L3MBTL4: variants seen among roughly 807,000 people sequenced by gnomAD.
L3MBTL4 encodes L3MBTL histone methyl-lysine binding protein 4, also known as lethal(3)malignant brain tumor-like protein 4.
Under a neutral mutation model 84.5 loss-of-function variants are expected in L3MBTL4, and 70 were observed. That is an observed-to-expected ratio of 0.83 (90% CI 0.68 to 1.01). The LOEUF (loss-of-function observed/expected upper bound fraction) is 1.01, where lower values mean the gene tolerates loss of function less well. Among genes scored for constraint, L3MBTL4 ranks in the 50% least tolerant of loss-of-function variants. The probability of loss-of-function intolerance (pLI) is 0.00; values close to 1 mark genes in which losing one functional copy is unlikely to be tolerated. For missense variants in L3MBTL4, 715 were observed against 754.8 expected (o/e 0.95, Z 0.62); for synonymous variants, 274 against 259.8 (o/e 1.05, Z -0.52).
At chr18:5,981,719 G>T (rs936059422) in intron 16 of L3MBTL4, among the ~76,000 whole-genome samples, 20 of 151,646 alleles carry the variant, frequency 1.3e-4, no homozygotes, top group African/African-American at 4.8e-4. Flanking sequence ...GAAGACACTT[G>T]AGTCCAGGAG....
intron 11 of L3MBTL4, among the ~76,000 whole-genome samples, chr18:6,214,680 T>G (rs116049745): frequency 4.1e-3 from 629 of 152,300 alleles, no homozygotes; most frequent in African/African-American, 0.015. Flanking sequence ...TGACTGTAAT[T>G]AGGTCTTTCA....
chr18:6,315,411 G>A (rs1213288056), intron 1 of L3MBTL4, among the ~76,000 whole-genome samples: 3 of 152,140 alleles, frequency 2.0e-5, no homozygotes, highest in Non-Finnish European at 4.4e-5. Flanking sequence ...ATTAATAGTA[G>A]CTAACATTAC....
chr18:6,279,632 T>C (rs978414034), intron 4 of L3MBTL4, among the ~76,000 whole-genome samples: 3 of 152,186 alleles, frequency 2.0e-5, no homozygotes, highest in Admixed American at 6.5e-5. Flanking sequence ...TCCCTTGCCA[T>C]GTAGTAGATG....
chr18:6,024,256 G>A (rs1030200020), intron 16 of L3MBTL4, among the ~76,000 whole-genome samples: 2 of 152,150 alleles, frequency 1.3e-5, no homozygotes, highest in Non-Finnish European at 2.9e-5. Flanking sequence ...GATGGTCATC[G>A]ATTGGAATTT....
At chr18:5,967,251 A>G (rs1437145141) in intron 17 of L3MBTL4, among the ~76,000 whole-genome samples, 2 of 152,226 alleles carry the variant, frequency 1.3e-5, no homozygotes, top group African/African-American at 4.8e-5. Flanking sequence ...GTGGGCAGGA[A>G]GTCAGCTCAT....
chr18:6,297,787 T>G (rs1192507317), intron 4 of L3MBTL4, among the ~76,000 whole-genome samples: 1 of 152,236 alleles, frequency 6.6e-6, no homozygotes, highest in Non-Finnish European at 1.5e-5. Context: ...AGTGAATTCA[T>G]TTTAGCCATC....
chr18:6,081,008 T>C, intron 15 of L3MBTL4, 57 bp from the exon 16 acceptor site: 1 of 1,298,564 alleles, frequency 7.7e-7, no homozygotes, highest in Non-Finnish European at 1.1e-6. Context: ...TAGGAAGAAA[T>C]CATGATAGCA....
Position 5,991,561 on chromosome 18 carries a change from C to A in L3MBTL4, c.1445-21999G>T, listed in dbSNP as rs560120768. Among the ~76,000 whole-genome samples the A allele has an allele frequency of 5.3e-5, 8 of 152,332 alleles. No homozygotes were observed. In the South Asian group the frequency reaches 1.7e-3, roughly 32 times the overall value. On this transcript the variant is annotated intron_variant, in intron 16 of 18. Coordinates refer to ENST00000317931, the MANE Select transcript of L3MBTL4 (RefSeq NM_001330559.2). ...ATAGTAACCTGTTTAATTATTCTCA[C>A]ACTTACACTGCTCTATAACTAGAGC...
rs775780309 is a variant in L3MBTL4 at position 6,093,366 on chromosome 18, G to C, written c.1362C>G (p.Asn454Lys). The C allele has an allele frequency of 6.2e-7, 1 of 1,609,250 alleles. No individual in the cohort carries two copies. The highest frequency in any genetic ancestry group is 1.7e-5 in the Admixed American group (1 of 59,074). ...LNFNGKHEKV[N>K]SQPRLVQQAK... is the part of the protein sequence containing the mutation. ...AAGAAGTTTCTTACCTGGGCTGACT[G>C]TTCACCTTTTCATGTTTTCCATTGA... The change falls in exon 15 of 19, where the codon AAC (asparagine) becomes AAG (lysine). Residue 454 changes from asparagine (N) to lysine (K), a missense_variant. By Grantham distance (94) the Asn-to-Lys change is moderately conservative. Transcript: ENST00000317931.
chr18:6,133,276 T>C (rs560609415), intron 14 of L3MBTL4, among the ~76,000 whole-genome samples: 5 of 151,844 alleles, frequency 3.3e-5, no homozygotes, highest in Admixed American at 6.6e-5. Context: ...CAAGCGTGTG[T>C]GAGGAACACA....
intron 1 of L3MBTL4, among the ~76,000 whole-genome samples, chr18:6,340,772 C>T (rs372385514): frequency 1.3e-5 from 2 of 152,138 alleles, no homozygotes; most frequent in Non-Finnish European, 2.9e-5. Flanking sequence ...CCCCACACAT[C>T]CCCAAGCACA....
intron 16 of L3MBTL4, among the ~76,000 whole-genome samples, chr18:6,046,398 C>A (rs2056619230): frequency 6.6e-6 from 1 of 152,120 alleles, no homozygotes; most frequent in Admixed American, 6.6e-5. Flanking sequence ...GATAGTTGAC[C>A]AAGTAGACCT....
chr18:6,210,285 G>A (rs1393704649), intron 12 of L3MBTL4, among the ~76,000 whole-genome samples: 1 of 152,208 alleles, frequency 6.6e-6, no homozygotes, highest in African/African-American at 2.4e-5. Flanking sequence ...CCTCCAGGTA[G>A]GACAGACAAT....
chr18:6,289,141 T>C (rs1243164165), intron 4 of L3MBTL4, among the ~76,000 whole-genome samples: 1 of 152,010 alleles, frequency 6.6e-6, no homozygotes, highest in Non-Finnish European at 1.5e-5. Flanking sequence ...AGACTGAGGA[T>C]TGGGGAAAAT....
intron 4 of L3MBTL4, among the ~76,000 whole-genome samples, chr18:6,298,165 C>T (rs1419159025): frequency 6.6e-6 from 1 of 152,212 alleles, no homozygotes; most frequent in Non-Finnish European, 1.5e-5. Context: ...AAGACTCAGT[C>T]TCCCCCATCC....
chr18:5,991,352 T>C (rs1202797829), intron 16 of L3MBTL4, among the ~76,000 whole-genome samples: 1 of 152,186 alleles, frequency 6.6e-6, no homozygotes, highest in Non-Finnish European at 1.5e-5. Flanking sequence ...AATAAATACA[T>C]GTTAAGCAAA....
chr18:6,046,471 C>T (rs922428642), intron 16 of L3MBTL4, among the ~76,000 whole-genome samples: 1 of 152,148 alleles, frequency 6.6e-6, no homozygotes, highest in African/African-American at 2.4e-5. Flanking sequence ...CATTTGCACA[C>T]AGAACACATT....
At chr18:5,997,053 G>C (rs1236874941) in intron 16 of L3MBTL4, among the ~76,000 whole-genome samples, 2 of 141,980 alleles carry the variant, frequency 1.4e-5, no homozygotes, top group Admixed American at 6.8e-5. Flanking sequence ...AAATACTTGG[G>C]AAAAAACTAA....
chr18:6,290,868 T>A (rs1013296624), intron 4 of L3MBTL4, among the ~76,000 whole-genome samples: 16 of 152,152 alleles, frequency 1.1e-4, no homozygotes, highest in Admixed American at 2.0e-4. Context: ...CTAGACTAGA[T>A]CCTAAGTTCT....
Sources: allele counts gnomAD v4.1 joint callset (sites outside exome capture counted in the v4.1 genomes callset), GRCh38; gene constraint gnomAD v4.1.1; transcripts MANE v1.5; gene names NCBI Gene and HGNC (gene_info 2026-07-23, HGNC 2026-07-21).